CFAP299: variants seen among roughly 807,000 people sequenced by gnomAD.
The protein encoded by CFAP299 is cilia and flagella associated protein 299, also known as cilia- and flagella-associated protein 299.
A neutral mutation model predicts 27.0 loss-of-function variants in CFAP299; 21 were observed. The ratio of observed to expected loss-of-function variants is 0.78; its 90% confidence interval spans 0.55 to 1.12. The LOEUF (loss-of-function observed/expected upper bound fraction) is 1.12, where lower values mean the gene tolerates loss of function less well. CFAP299 is among the 50% of genes most tolerant of loss of function. CFAP299 has a pLI of 0.00. For missense variants in CFAP299, 310 were observed against 276.6 expected, an observed-to-expected ratio of 1.12 and a Z score of -0.86; for synonymous variants, 104 against 98.1, an observed-to-expected ratio of 1.06 and a Z score of -0.36.
At chr4:80,758,264 A>G (rs1725360563) in intron 3 of CFAP299, among the ~76,000 whole-genome samples, 1 of 152,148 alleles carries the variant, frequency 6.6e-6, no homozygotes, top group African/African-American at 2.4e-5. Flanking sequence ...AAGGGGACAG[A>G]GAGGGAAGGT....
At chr4:80,763,725 C>T (rs542635685) in intron 3 of CFAP299, among the ~76,000 whole-genome samples, 2 of 152,224 alleles carry the variant, frequency 1.3e-5, no homozygotes, top group South Asian at 2.1e-4. Flanking sequence ...GCTGTAGTAA[C>T]CAAAACAGCA....
chr4:80,407,573 C>T (rs972420457), intron 2 of CFAP299, among the ~76,000 whole-genome samples: 1 of 152,160 alleles, frequency 6.6e-6, no homozygotes, highest in African/African-American at 2.4e-5. Context: ...ACTGGAACCC[C>T]GTTCTTTCTG....
chr4:80,665,550 T>C (rs975299406), intron 3 of CFAP299, among the ~76,000 whole-genome samples: 2 of 152,218 alleles, frequency 1.3e-5, no homozygotes, highest in African/African-American at 4.8e-5. Flanking sequence ...ATTCTCTAGA[T>C]GTGTCTTATT....
At chr4:80,938,877 A>G (rs960544629) in intron 4 of CFAP299, among the ~76,000 whole-genome samples, 1 of 152,174 alleles carries the variant, frequency 6.6e-6, no homozygotes, top group African/African-American at 2.4e-5. Flanking sequence ...GAAAGGCTTT[A>G]TCTCTCCTAC....
chr4:80,915,445 A>G (rs1560475075), intron 4 of CFAP299, among the ~76,000 whole-genome samples: 2 of 151,946 alleles, frequency 1.3e-5, no homozygotes, highest in Admixed American at 1.3e-4. Context: ...TATTTTTCAC[A>G]ATTTTTGATG....
At chr4:80,757,507 C>T (rs1160628350) in intron 3 of CFAP299, among the ~76,000 whole-genome samples, 1 of 151,998 alleles carries the variant, frequency 6.6e-6, no homozygotes, top group Non-Finnish European at 1.5e-5. Flanking sequence ...ATGTTTATAC[C>T]AAACTTATAT....
intron 3 of CFAP299, among the ~76,000 whole-genome samples, chr4:80,728,499 CTATT>C (rs574663209): frequency 1.8e-3 from 269 of 152,162 alleles, no homozygotes; most frequent in Non-Finnish European, 2.8e-3. Flanking sequence ...AACACAATTT[CTATT>C]TATTTATTTC....
At chr4:80,651,958 G>A (rs569353569) in intron 3 of CFAP299, among the ~76,000 whole-genome samples, 11 of 152,070 alleles carry the variant, frequency 7.2e-5, no homozygotes, top group Admixed American at 2.6e-4. Flanking sequence ...TTCCAAATGA[G>A]GATATTACTT....
At chr4:80,821,923 C>T (rs1365078305) in intron 3 of CFAP299, among the ~76,000 whole-genome samples, 4 of 151,924 alleles carry the variant, frequency 2.6e-5, no homozygotes, top group South Asian at 2.1e-4. Context: ...CTCACAGACA[C>T]GCCTGAAAGA....
At chr4:80,904,938 A>G (rs529786258) in intron 4 of CFAP299, among the ~76,000 whole-genome samples, 8 of 147,022 alleles carry the variant, frequency 5.4e-5, no homozygotes, top group South Asian at 4.3e-4. Context: ...GAAAAAAATT[A>G]TAATTTAGAA....
At chr4:80,475,774 A>G (rs1185473270) in intron 2 of CFAP299, among the ~76,000 whole-genome samples, 3 of 152,202 alleles carry the variant, frequency 2.0e-5, no homozygotes, top group Admixed American at 6.5e-5. Context: ...GTTTAAAACT[A>G]TGAAACTAAT....
In CFAP299 at chr4:80,640,349, T is replaced by C. The variant is rs1192328745; in HGVS notation, c.333+57166T>C. Among the ~76,000 whole-genome samples, 4 of 152,172 alleles carry C rather than the reference T, an allele frequency of 2.6e-5. No homozygotes were observed. In the East Asian group the frequency reaches 5.8e-4, roughly 22 times the overall value. On this transcript the variant is annotated intron_variant, in intron 3 of 5. Coordinates refer to ENST00000358105, the MANE Select transcript of CFAP299 (RefSeq NM_152770.3). ...GGAATAGTAGACTGAGACCAGGTTG[T>C]TTTAGCAGATAGCATTGCTTGCCTG...
At chr4:80,730,989 T>C (rs1175175638) in intron 3 of CFAP299, among the ~76,000 whole-genome samples, 2 of 152,234 alleles carry the variant, frequency 1.3e-5, no homozygotes, top group African/African-American at 4.8e-5. Context: ...AGCTCCTTGG[T>C]GTTAATGTAC....
chr4:80,814,719 T>TA (rs530353597), intron 3 of CFAP299, among the ~76,000 whole-genome samples: 2,191 of 146,186 alleles, frequency 0.015, 47 homozygotes, highest in African/African-American at 0.051. Context: ...CTTTATGTCT[T>TA]AAAAAAAAAA....
chr4:80,420,332 G>T, intron 2 of CFAP299: 2 of 414,282 alleles, frequency 4.8e-6, no homozygotes, highest in Non-Finnish European at 9.9e-6. Flanking sequence ...AGGCAAGTTT[G>T]CAGGGATGCT....
chr4:80,505,332 T>G (rs1344580841), intron 2 of CFAP299, among the ~76,000 whole-genome samples: 1 of 152,126 alleles, frequency 6.6e-6, no homozygotes, highest in Non-Finnish European at 1.5e-5. Flanking sequence ...ACTAACTTGG[T>G]ACATTTTAAA....
At chr4:80,724,445 A>T (rs1376872636) in intron 3 of CFAP299, among the ~76,000 whole-genome samples, 3 of 152,130 alleles carry the variant, frequency 2.0e-5, no homozygotes, top group Admixed American at 1.3e-4. Context: ...ACTCATTTAA[A>T]AAATGAGTAA....
chr4:80,395,203 T>C (rs889152264), intron 2 of CFAP299, among the ~76,000 whole-genome samples: 1 of 152,040 alleles, frequency 6.6e-6, no homozygotes, highest in Non-Finnish European at 1.5e-5. Context: ...CTTAATTTCA[T>C]TTTTTGGATA....
intron 2 of CFAP299, among the ~76,000 whole-genome samples, chr4:80,508,750 G>A (rs1437572775): frequency 6.6e-6 from 1 of 152,034 alleles, no homozygotes; most frequent in African/African-American, 2.4e-5. Context: ...CAGAGACCAG[G>A]TCCCACCATA....
Sources: allele counts gnomAD v4.1 joint callset (sites outside exome capture counted in the v4.1 genomes callset), GRCh38; gene constraint gnomAD v4.1.1; transcripts MANE v1.5; gene names NCBI Gene and HGNC (gene_info 2026-07-23, HGNC 2026-07-21).